XRRA1: variants seen among roughly 807,000 people sequenced by gnomAD.
XRRA1 encodes X-ray radiation resistance-associated protein 1.
Under a neutral mutation model 80.2 loss-of-function variants are expected in XRRA1, and 69 were observed. The ratio of observed to expected loss-of-function variants is 0.86; its 90% CI spans 0.71 to 1.05. The LOEUF (loss-of-function observed/expected upper bound fraction) is 1.05, where lower values mean the gene tolerates loss of function less well. XRRA1 is among the 50% of genes least tolerant of loss of function. XRRA1 has a pLI of 0.00. For synonymous variants in XRRA1, 348 were observed against 389.9 expected (o/e 0.89, Z 1.27); for missense variants, 967 against 976.4 (o/e 0.99, Z 0.13).
chr11:74,894,766 C>A (rs573040918), intron 10 of XRRA1, among the ~76,000 whole-genome samples: 1 of 151,866 alleles, frequency 6.6e-6, no homozygotes, highest in Non-Finnish European at 1.5e-5. Context: ...CCCTTGAACC[C>A]AAAATAAAAG....
rs1565198103 is a variant in XRRA1 at position 74,842,142 on chromosome 11, T to C, written c.*1058A>G. 6.6e-6 allele frequency: 1 copy of C among 152,200 alleles called. No individual in the cohort carries two copies. Among genetic ancestry groups the C allele is most frequent in the Non-Finnish European group, 1.5e-5 (1 of 68,028 alleles). 9.4% of individuals were successfully genotyped at this position (152,200 alleles called of 1,614,324 possible). ...GTTTTATTCAACCTGCTGTCTGCTT[T>C]AGGATTGGAGAAGGTACCTGGATCC... On this transcript the variant is annotated 3_prime_UTR_variant, in exon 19 of 19. Transcript: ENST00000684022.
intron 8 of XRRA1, chr11:74,919,767 G>T: frequency 4.4e-6 from 2 of 454,300 alleles, no homozygotes; most frequent in South Asian, 3.7e-5. Context: ...GGGAACTCTA[G>T]ATGTGCACAA....
At chr11:74,923,839 AT>A (rs1490520881) in intron 7 of XRRA1, among the ~76,000 whole-genome samples, 1 of 151,958 alleles carries the variant, frequency 6.6e-6, no homozygotes, top group Non-Finnish European at 1.5e-5. Flanking sequence ...GCTAAGAATA[AT>A]TTTTGCTTTT....
chr11:74,939,622 C>T (rs571765913), intron 3 of XRRA1, among the ~76,000 whole-genome samples: 1 of 152,292 alleles, frequency 6.6e-6, no homozygotes, highest in South Asian at 2.1e-4. Flanking sequence ...TGCCCTAGTC[C>T]TGCAAACAAC....
chr11:74,871,990 A>G (rs953041798), intron 10 of XRRA1, among the ~76,000 whole-genome samples: 3 of 152,240 alleles, frequency 2.0e-5, no homozygotes, highest in Admixed American at 2.0e-4. Context: ...CAGTAGGCCA[A>G]AAAGGAAAAG....
chr11:74,856,715 T>G (rs769696498), intron 12 of XRRA1, among the ~76,000 whole-genome samples: 1 of 152,126 alleles, frequency 6.6e-6, no homozygotes, highest in Non-Finnish European at 1.5e-5. Flanking sequence ...AGGAGAGAGA[T>G]TGATGACAGC....
chr11:74,919,258 T>C (rs1252355656), intron 8 of XRRA1, among the ~76,000 whole-genome samples: 1 of 152,194 alleles, frequency 6.6e-6, no homozygotes, highest in East Asian at 1.9e-4. Context: ...ATCTGAGATT[T>C]TTCTTCAGAA....
chr11:74,942,981 G>C (rs1946644084), intron 2 of XRRA1, among the ~76,000 whole-genome samples: 1 of 152,230 alleles, frequency 6.6e-6, no homozygotes, highest in South Asian at 2.1e-4. Context: ...CAGCATCCAG[G>C]GGAGGGGTTC....
intron 4 of XRRA1, among the ~76,000 whole-genome samples, chr11:74,934,861 A>C (rs1274906392): frequency 6.6e-6 from 1 of 152,220 alleles, no homozygotes. Context: ...ACACATAGAC[A>C]TATCAGACAG....
chr11:74,942,993 C>T (rs1412433002), intron 2 of XRRA1, among the ~76,000 whole-genome samples: 1 of 152,196 alleles, frequency 6.6e-6, no homozygotes, highest in Non-Finnish European at 1.5e-5. Flanking sequence ...GAGGGGTTCC[C>T]TCACTGAGGA....
intron 10 of XRRA1, among the ~76,000 whole-genome samples, chr11:74,891,427 A>G (rs901191584): frequency 1.3e-5 from 2 of 152,234 alleles, no homozygotes; most frequent in Non-Finnish European, 2.9e-5. Context: ...GCTATTTATG[A>G]CAAACCCACA....
chr11:74,870,830 A>T (rs2044618638), intron 10 of XRRA1, among the ~76,000 whole-genome samples: 1 of 152,186 alleles, frequency 6.6e-6, no homozygotes, highest in Non-Finnish European at 1.5e-5. Context: ...TGAGGAGGAA[A>T]ATGCCCTCCA....
At chr11:74,914,661 T>C (rs150463297) in intron 8 of XRRA1, among the ~76,000 whole-genome samples, 133 of 152,172 alleles carry the variant, frequency 8.7e-4, no homozygotes, top group Non-Finnish European at 1.7e-3. Flanking sequence ...TCGGTACCCA[T>C]AGCAGATTCA....
chr11:74,896,068 T>G (rs2052226357), intron 10 of XRRA1, among the ~76,000 whole-genome samples: 1 of 152,356 alleles, frequency 6.6e-6, no homozygotes, highest in South Asian at 2.1e-4. Flanking sequence ...ATGTCCTGGC[T>G]TCAGGGGTGA....
At chr11:74,870,312 C>T (rs1288590545) in intron 10 of XRRA1, among the ~76,000 whole-genome samples, 1 of 152,188 alleles carries the variant, frequency 6.6e-6, no homozygotes, top group African/African-American at 2.4e-5. Context: ...ACTGATAGTT[C>T]CTGGCCAGGG....
At chr11:74,886,530 A>T (rs1180874551) in intron 10 of XRRA1, among the ~76,000 whole-genome samples, 4 of 151,504 alleles carry the variant, frequency 2.6e-5, no homozygotes, top group Admixed American at 1.3e-4. Flanking sequence ...CTACAACAAG[A>T]GTTATAAAAC....
At chr11:74,932,384 G>A (rs73496936) in intron 5 of XRRA1, among the ~76,000 whole-genome samples, 8 of 152,206 alleles carry the variant, frequency 5.3e-5, no homozygotes, top group South Asian at 2.1e-4. Context: ...TCGCACCCTC[G>A]TGTTTCCCTC....
intron 10 of XRRA1, among the ~76,000 whole-genome samples, chr11:74,867,805 G>A (rs745860160): frequency 2.0e-5 from 3 of 150,958 alleles, no homozygotes; most frequent in Non-Finnish European, 4.4e-5. Flanking sequence ...TGATAGAAAT[G>A]TTAAAGGCAG....
intron 10 of XRRA1, among the ~76,000 whole-genome samples, chr11:74,874,719 T>C (rs562813944): frequency 5.3e-4 from 81 of 152,322 alleles, no homozygotes; most frequent in African/African-American, 1.9e-3. Flanking sequence ...AACTTGCTCT[T>C]GCCTAAACTC....
Sources: gnomAD v4.1 joint callset for allele counts (sites outside exome capture counted in the v4.1 genomes callset) on GRCh38, gnomAD v4.1.1 for gene constraint, MANE v1.5 for transcripts, NCBI Gene and HGNC (gene_info 2026-07-23, HGNC 2026-07-21) for gene names.